The following SMG7 variants were observed in gnomAD, a reference collection of about 807,000 sequenced individuals.
SMG7 encodes SMG7 nonsense mediated mRNA decay factor.
SMG7 carries 34 observed loss-of-function variants against 148.2 expected under a neutral mutation model. That is an observed-to-expected ratio of 0.23 (90% CI 0.17 to 0.31). The LOEUF is 0.31. SMG7 is among the 10% of genes least tolerant of loss of function. SMG7 has a pLI of 1.00. For synonymous variants in SMG7, 492 were observed against 515.1 expected (o/e 0.96, Z 0.61); for missense variants, 1,114 against 1,408.4 (o/e 0.79, Z 3.35).
chr1:183,509,531 TA>T (rs1661680056), intron 1 of SMG7, among the ~76,000 whole-genome samples: 1 of 152,180 alleles, frequency 6.6e-6, no homozygotes, highest in Non-Finnish European at 1.5e-5. Context: ...CAGGAATAAG[TA>T]TAGCTATCCC....
At chr1:183,504,735 A>G (rs1277977307) in intron 1 of SMG7, among the ~76,000 whole-genome samples, 2 of 152,082 alleles carry the variant, frequency 1.3e-5, no homozygotes, top group African/African-American at 4.8e-5. Context: ...AATTATCCCA[A>G]ATATTTACCA....
chr1:183,537,086 T>C (rs1048033524), intron 10 of SMG7, 59 bp from the exon 11 acceptor site: 18 of 1,180,968 alleles, frequency 1.5e-5, no homozygotes, highest in East Asian at 4.7e-5. Context: ...TCATGGCTTA[T>C]TAGTGTTCTG....
At chr1:183,477,622 G>A (rs1289695819) in intron 1 of SMG7, among the ~76,000 whole-genome samples, 1 of 119,376 alleles carries the variant, frequency 8.4e-6, no homozygotes, top group Non-Finnish European at 1.7e-5. Context: ...ATACGTGTGT[G>A]CATATGTGTA....
intron 14 of SMG7, among the ~76,000 whole-genome samples, chr1:183,543,569 ATT>A (rs2102753347): frequency 6.6e-6 from 1 of 152,156 alleles, no homozygotes; most frequent in Non-Finnish European, 1.5e-5. Flanking sequence ...CCTTTCCTCC[ATT>A]CTCTGTAACT....
chr1:183,533,614 T>A, intron 9 of SMG7, 62 bp from the exon 10 acceptor site: 1 of 1,420,170 alleles, frequency 7.0e-7, no homozygotes, highest in Non-Finnish European at 9.7e-7. Context: ...CACATAATAT[T>A]TTAATTTGAA....
At chr1:183,535,333 A>G (rs1667565737) in intron 10 of SMG7, among the ~76,000 whole-genome samples, 3 of 152,128 alleles carry the variant, frequency 2.0e-5, no homozygotes. Flanking sequence ...GAACAGCTTT[A>G]TTGGCAAACA....
intron 17 of SMG7, among the ~76,000 whole-genome samples, chr1:183,546,890 G>A (rs1470941211): frequency 6.6e-6 from 1 of 152,174 alleles, no homozygotes; most frequent in Non-Finnish European, 1.5e-5. Context: ...TGCTCTGTCA[G>A]TATTTTTGCT....
intron 1 of SMG7, among the ~76,000 whole-genome samples, chr1:183,498,938 G>A (rs1659163057): frequency 6.6e-6 from 1 of 152,044 alleles, no homozygotes; most frequent in Non-Finnish European, 1.5e-5. Context: ...CCAACTCCTG[G>A]CAACCACTGA....
intron 1 of SMG7, among the ~76,000 whole-genome samples, chr1:183,480,156 T>TTA (rs1400221091): frequency 2.0e-5 from 3 of 152,136 alleles, no homozygotes; most frequent in African/African-American, 7.2e-5. Context: ...TACTCTTTAA[T>TTA]GTTTACCATC....
At chr1:183,512,784 C>T in intron 1 of SMG7, 53 bp from the exon 2 acceptor site, 1 of 1,494,292 alleles carries the variant, frequency 6.7e-7, no homozygotes, top group South Asian at 1.3e-5. Flanking sequence ...GTTAGTTAGG[C>T]CTCGTTTGTT....
rs1052515704 is a variant in SMG7 at position 183,547,086 on chromosome 1, A to T, written c.2743-17A>T. On this transcript the variant is annotated splice_polypyrimidine_tract_variant and intron_variant, in intron 17 of 22. Coordinates refer to ENST00000688051, the MANE Select transcript of SMG7 (RefSeq NM_001375584.1). ...TTATCCCTTATTGCTTCTCACTGTG[A>T]TGCTTTCTGTCACTAGGACCCCAAG... 4 of 1,545,912 alleles carry T rather than the reference A, an allele frequency of 2.6e-6. No individual in the cohort carries two copies. In the African/African-American group the frequency reaches 5.5e-5, roughly 21 times the overall value.
chr1:183,532,686 T>G (rs953048060), intron 8 of SMG7, among the ~76,000 whole-genome samples: 3 of 152,206 alleles, frequency 2.0e-5, no homozygotes, highest in South Asian at 4.1e-4. Context: ...ATCAAGCCTC[T>G]GAAAGAGTAA....
intron 18 of SMG7, chr1:183,548,836 T>C (rs2702180): frequency 0.35 from 65,930 of 187,470 alleles, 11,949 homozygotes; most frequent in East Asian, 0.52. Context: ...TTAAAAATTG[T>C]GGGGTGGAGA....
At chr1:183,539,560 T>G (rs901831779) in intron 12 of SMG7, among the ~76,000 whole-genome samples, 6 of 152,228 alleles carry the variant, frequency 3.9e-5, no homozygotes, top group Non-Finnish European at 5.9e-5. Flanking sequence ...GGATGCATAT[T>G]CTAACAATCT....
At chr1:183,484,578 A>G (rs554157084) in intron 1 of SMG7, among the ~76,000 whole-genome samples, 8 of 152,228 alleles carry the variant, frequency 5.3e-5, no homozygotes, top group African/African-American at 1.9e-4. Flanking sequence ...GTCACCAGGA[A>G]CAATTCTCTC....
At chr1:183,519,795 T>G (rs1213395361) in intron 4 of SMG7, among the ~76,000 whole-genome samples, 1 of 152,184 alleles carries the variant, frequency 6.6e-6, no homozygotes, top group South Asian at 2.1e-4. Flanking sequence ...CTTTTCCTTG[T>G]TAACAGTTTA....
chr1:183,494,126 T>C (rs1463612617), intron 1 of SMG7, among the ~76,000 whole-genome samples: 1 of 152,178 alleles, frequency 6.6e-6, no homozygotes, highest in Admixed American at 6.5e-5. Flanking sequence ...CAGCTGGGAC[T>C]ACAGGCATAC....
Position 183,547,255 on chromosome 1 carries a change from A to G in SMG7, c.2892+3A>G. On this transcript the variant is annotated splice_donor_region_variant and intron_variant, in intron 18 of 22. Coordinates refer to ENST00000688051, the MANE Select transcript of SMG7 (RefSeq NM_001375584.1). ...CTCTTCCTGGACGAAGCCTTTTTGT[A>G]TGTATTTGACATAATTCTGCTTCTT... is the stretch of plus-strand genomic sequence containing the variant. The G allele has an allele frequency of 1.9e-6, 3 of 1,549,002 alleles. No individual in the cohort carries two copies. The highest frequency in any genetic ancestry group is 1.7e-6 in the Non-Finnish European group (2 of 1,146,300).
intron 1 of SMG7, among the ~76,000 whole-genome samples, chr1:183,484,719 C>A (rs1655006770): frequency 6.6e-6 from 1 of 151,986 alleles, no homozygotes; most frequent in Non-Finnish European, 1.5e-5. Context: ...TAATATTAAT[C>A]TTTGTGAAAC....
Sources: gnomAD v4.1 joint callset for allele counts (sites outside exome capture counted in the v4.1 genomes callset) on GRCh38, gnomAD v4.1.1 for gene constraint, MANE v1.5 for transcripts, NCBI Gene and HGNC (gene_info 2026-07-23, HGNC 2026-07-21) for gene names.